The following NOTCH2NLR variants were observed in gnomAD, a reference collection of about 807,000 sequenced individuals.
The protein encoded by NOTCH2NLR is notch 2 N-terminal like R (pseudogene).
NOTCH2NLR carries 33 observed loss-of-function variants against 35.6 expected under a neutral mutation model. That is an observed-to-expected ratio of 0.93 (90% confidence interval 0.70 to 1.24). NOTCH2NLR has a LOEUF of 1.24. NOTCH2NLR is among the 50% of genes most tolerant of loss of function. The pLI is 0.00. For missense variants in NOTCH2NLR, 276 were observed against 362.2 expected, an observed-to-expected ratio of 0.76 and a Z score of 1.93; for synonymous variants, 103 against 141.0, an observed-to-expected ratio of 0.73 and a Z score of 1.91.
At chr1:120,793,123 T>C (rs1333099387) in intron 3 of NOTCH2NLR, 38 bp from the exon 4 acceptor site, 1 of 884,184 alleles carries the variant, frequency 1.1e-6, no homozygotes, top group Non-Finnish European at 1.7e-6. Flanking sequence ...ATCTCCTATT[T>C]CTGTGGCCAG....
chr1:120,758,599 A>G (rs1415256441), intron 1 of NOTCH2NLR, among the ~76,000 whole-genome samples: 1 of 104,356 alleles, frequency 9.6e-6, no homozygotes, highest in Non-Finnish European at 1.8e-5. Flanking sequence ...GACTTTTCTC[A>G]AACATAAATC....
In NOTCH2NLR at chr1:120,776,144, A is replaced by G. The variant is rs1651305032; in HGVS notation, c.156-8830A>G. Among the ~76,000 whole-genome samples, 5 of 116,742 alleles carry G rather than the reference A, an allele frequency of 4.3e-5. 2 individuals carry two copies. Among genetic ancestry groups the G allele is most frequent in the Admixed American group, 4.1e-4 (5 of 12,220 alleles). 76.6% of individuals were successfully genotyped at this position (116,742 alleles called of 152,430 possible). The stretch of plus-strand genomic sequence containing the variant: ...GTTGAATGCCTTCTATATGCCAGTC[A>G]TTGTGTTAGGCACTGGGAGTATGAG... On this transcript the variant is annotated intron_variant, in intron 2 of 4. Transcript: ENST00000624419.
At chr1:120,770,490 C>G (rs1571026057) in intron 2 of NOTCH2NLR, among the ~76,000 whole-genome samples, 1 of 114,452 alleles carries the variant, frequency 8.7e-6, no homozygotes, top group Admixed American at 8.2e-5. Flanking sequence ...TTTTTTTATG[C>G]CAGATAGACT....
chr1:120,725,358 ATAT>A, intron 1 of NOTCH2NLR, among the ~76,000 whole-genome samples: 1 of 85,282 alleles, frequency 1.2e-5, no homozygotes, highest in South Asian at 3.7e-4. Flanking sequence ...AAAATAATGT[ATAT>A]TAAACGGATG....
chr1:120,793,162 T>G, exon 4 of NOTCH2NLR: 2 of 1,404,574 alleles, frequency 1.4e-6, no homozygotes, highest in South Asian at 2.4e-5. Flanking sequence ...TTCCTTTAGG[T>G]AAGGAGTGCC....
chr1:120,761,120 T>C (rs1223709111), intron 1 of NOTCH2NLR, among the ~76,000 whole-genome samples: 1 of 124,930 alleles, frequency 8.0e-6, no homozygotes, highest in Non-Finnish European at 1.6e-5. Context: ...TCACTAGGGC[T>C]AGGCTGTAAA....
Position 120,761,331 on chromosome 1 carries a change from A to G in NOTCH2NLR, c.74-2297A>G. 1.8e-5 allele frequency among the ~76,000 whole-genome samples: 2 copies of G among 113,762 alleles called. 1 individual carries two copies. The highest frequency in any genetic ancestry group is 3.3e-5 in the Non-Finnish European group (2 of 60,060). 74.6% of individuals were successfully genotyped at this position (113,762 alleles called of 152,430 possible). On this transcript the variant is annotated intron_variant, in intron 1 of 4. Transcript: ENST00000624419. ...TGGGCATGCCATTCATGTACTTATAAGGAGGGAGCTGTTGCTGGTGGATCA... is the reference window on the plus strand; with the variant it reads ...TGGGCATGCCATTCATGTACTTATAGGGAGGGAGCTGTTGCTGGTGGATCA...
intron 1 of NOTCH2NLR, among the ~76,000 whole-genome samples, chr1:120,760,078 T>C (rs1282018409): frequency 2.0e-5 from 2 of 99,646 alleles, no homozygotes; most frequent in Non-Finnish European, 3.6e-5. Flanking sequence ...CTGTGCCTTA[T>C]TTCACTTAGC....
At position 120,728,915 on chromosome 1, in the gene NOTCH2NLR, G is replaced by A. The variant is rs1410047937; in HGVS notation, c.73+4665G>A. Among the ~76,000 whole-genome samples the A allele has an allele frequency of 2.7e-5, 3 of 109,864 alleles. 1 individual carries two copies. The highest frequency in any genetic ancestry group is 1.1e-4 in the African/African-American group (2 of 17,514). The allele number at this position is 109,864 out of a possible 152,430, so 72.1% of individuals were successfully genotyped here. A position where few individuals can be genotyped will look rare whatever the true frequency, so the allele number is the denominator to read the frequency against. On this transcript the variant is annotated intron_variant, in intron 1 of 4. Transcript: ENST00000624419. Reference sequence around the variant, plus strand: ...ACTTGAGAGAATCACATGGTGTTGAGTTGTCTCTGCCACATGATTTTGATC... The same window carrying A: ...ACTTGAGAGAATCACATGGTGTTGAATTGTCTCTGCCACATGATTTTGATC...
chr1:120,765,722 A>T (rs1651183743), intron 2 of NOTCH2NLR, among the ~76,000 whole-genome samples: 1 of 115,924 alleles, frequency 8.6e-6, no homozygotes. Context: ...AAAGACTTGG[A>T]ACCAACCCAA....
At chr1:120,764,011 G>A (rs1358985903) in intron 2 of NOTCH2NLR, among the ~76,000 whole-genome samples, 1 of 114,948 alleles carries the variant, frequency 8.7e-6, no homozygotes, top group Non-Finnish European at 1.7e-5. Flanking sequence ...CACTTCAGGA[G>A]GCTGAGTTGG....
chr1:120,752,556 T>G (rs1248295723), intron 1 of NOTCH2NLR, among the ~76,000 whole-genome samples: 6 of 8,152 alleles, frequency 7.4e-4, no homozygotes, highest in African/African-American at 2.8e-3. Context: ...ATATATATAT[T>G]TTTTTTTTTT....
rs1263798469 is a variant in NOTCH2NLR, at chr1:120,776,212, C to G, written c.156-8762C>G. Among the ~76,000 whole-genome samples, 3 of 116,348 alleles carry G rather than the reference C, an allele frequency of 2.6e-5. 1 individual carries two copies. Among genetic ancestry groups the G allele is most frequent in the Non-Finnish European group, 4.9e-5 (3 of 60,826 alleles). 76.3% of individuals were successfully genotyped at this position (116,348 alleles called of 152,430 possible). On this transcript the variant is annotated intron_variant, in intron 2 of 4. Transcript: ENST00000624419. ...TGTTGACAGATAATCATAATAAGGGCTAATGAGTAACACAGGCTCAGGGTT... is the reference window on the plus strand; with the variant it reads ...TGTTGACAGATAATCATAATAAGGGGTAATGAGTAACACAGGCTCAGGGTT...
At chr1:120,792,262 A>AT (rs1438794072) in intron 3 of NOTCH2NLR, among the ~76,000 whole-genome samples, 2 of 40,260 alleles carry the variant, frequency 5.0e-5, no homozygotes, top group Non-Finnish European at 8.3e-5. Context: ...TAGTAACTAT[A>AT]TTTTGTGGAA....
Position 120,793,179 on chromosome 1 carries a change from C to A in NOTCH2NLR, c.434C>A (p.Thr145Asn). The A allele has an allele frequency of 2.6e-5, 37 of 1,438,490 alleles. 6 individuals are homozygous for A. Among genetic ancestry groups the A allele is most frequent in the Non-Finnish European group, 3.2e-5 (35 of 1,078,490 alleles). 89.1% of individuals were successfully genotyped at this position (1,438,490 alleles called of 1,614,324 possible). Residue 145 changes from threonine to asparagine, a missense_variant, in exon 4 of 5, where the codon ACC (threonine) becomes AAC (asparagine). Transcript: ENST00000624419. ...CCTTTAGGTAAGGAGTGCCAATGGA[C>A]CGATGCCTGCCTGTCTCATCTCTGT... is the stretch of plus-strand genomic sequence containing the variant.
rs1650843883 is a variant in NOTCH2NLR, at chr1:120,728,813, T to C, written c.73+4563T>C. 3.7e-5 allele frequency among the ~76,000 whole-genome samples: 4 copies of C among 107,424 alleles called. 1 individual carries two copies. The highest frequency in any genetic ancestry group is 2.2e-4 in the East Asian group (1 of 4,484). The allele number at this position is 107,424 out of a possible 152,430, so 70.5% of individuals were successfully genotyped here. A position where few individuals can be genotyped will look rare whatever the true frequency, so the allele number is the denominator to read the frequency against. ...TGTACATTTAGTAAAGTATATTTGCTTTTTTTTTTTTTGAACCAAGAGAGT... is the reference window on the plus strand; with the variant it reads ...TGTACATTTAGTAAAGTATATTTGCCTTTTTTTTTTTTGAACCAAGAGAGT... On this transcript the variant is annotated intron_variant, in intron 1 of 4. Transcript: ENST00000624419.
intron 3 of NOTCH2NLR, among the ~76,000 whole-genome samples, chr1:120,790,010 C>CTTTTTT (rs1174501165): frequency 2.9e-4 from 10 of 34,962 alleles, no homozygotes; most frequent in Non-Finnish European, 4.5e-4. Context: ...TTCTGATCAC[C>CTTTTTT]TTTTTTTTTT....
chr1:120,786,368 A>G lies in NOTCH2NLR; in HGVS notation c.415+1135A>G, dbSNP rs1386357755. Among the ~76,000 whole-genome samples the G allele has an allele frequency of 3.2e-4, 35 of 108,796 alleles. 7 individuals are homozygous for G. Among genetic ancestry groups the G allele is most frequent in the Admixed American group, 2.7e-4 (3 of 11,126 alleles). 71.4% of individuals were successfully genotyped at this position (108,796 alleles called of 152,430 possible). On this transcript the variant is annotated intron_variant, in intron 3 of 4. Coordinates refer to ENST00000624419, the Ensembl canonical transcript of NOTCH2NLR. ...CCTCCCATTTCCTCTGCTACCCTGTAGTTGAGGGCCATGTTATCTCTCACC... is the reference window on the plus strand; with the variant it reads ...CCTCCCATTTCCTCTGCTACCCTGTGGTTGAGGGCCATGTTATCTCTCACC...
chr1:120,745,133 A>C lies in NOTCH2NLR; in HGVS notation c.74-18495A>C, dbSNP rs1258658227. ...AGATCCTGTCTCCAAAAAAAAAAAA[A>C]CAAAAAAAAAACAAAAAAAAGTGGT... On this transcript the variant is annotated intron_variant, in intron 1 of 4. Transcript: ENST00000624419. Among the ~76,000 whole-genome samples the C allele has an allele frequency of 5.7e-4, 53 of 93,298 alleles. 11 individuals are homozygous for C. The highest frequency in any genetic ancestry group is 3.2e-3 in the African/African-American group (45 of 13,898). The allele number at this position is 93,298 out of a possible 152,430, so 61.2% of individuals were successfully genotyped here.
Sources: allele counts gnomAD v4.1 joint callset (sites outside exome capture counted in the v4.1 genomes callset), GRCh38; gene constraint gnomAD v4.1.1; transcripts MANE v1.5; gene names NCBI Gene and HGNC (gene_info 2026-07-23, HGNC 2026-07-21).